Variants in RSU1 observed in about 807,000 individuals in gnomAD.
RSU1 encodes the protein Ras suppressor protein 1, also known as rsu-1.
In RSU1, 26 loss-of-function variants were observed where a neutral mutation model predicts 31.1. The observed-to-expected ratio is 0.84, with a 90% CI of 0.61 to 1.16. RSU1 has a LOEUF of 1.16. RSU1 is among the 50% of genes most tolerant of loss of function. RSU1 has a pLI of 0.00. For synonymous variants in RSU1, 164 were observed against 136.3 expected (o/e 1.20, Z -1.41); for missense variants, 320 against 339.1 (o/e 0.94, Z 0.44).
chr10:16,666,702 C>A (rs1834995277), intron 8 of RSU1, among the ~76,000 whole-genome samples: 1 of 151,912 alleles, frequency 6.6e-6, no homozygotes, highest in African/African-American at 2.4e-5. Flanking sequence ...AAAAATGAGC[C>A]ATCAGCCGGG....
chr10:16,728,758 G>C (rs1425266097), intron 7 of RSU1, among the ~76,000 whole-genome samples: 1 of 152,232 alleles, frequency 6.6e-6, no homozygotes, highest in African/African-American at 2.4e-5. Context: ...AAGAATCAGA[G>C]TGAGAGGAGA....
At chr10:16,770,163 G>A (rs1837394694) in intron 3 of RSU1, among the ~76,000 whole-genome samples, 4 of 152,054 alleles carry the variant, frequency 2.6e-5, no homozygotes, top group Middle Eastern at 3.4e-3. Flanking sequence ...GGGGCTTTTT[G>A]AGCAAAAGCA....
At chr10:16,593,644 C>T in intron 8 of RSU1, 148 bp from the exon 9 acceptor site, 1 of 652,788 alleles carries the variant, frequency 1.5e-6, no homozygotes, top group Non-Finnish European at 2.7e-6. Flanking sequence ...TCTCTGGGTG[C>T]TACGCTGTGT....
chr10:16,777,852 C>T (rs1837564918), intron 3 of RSU1, among the ~76,000 whole-genome samples: 2 of 152,062 alleles, frequency 1.3e-5, no homozygotes. Flanking sequence ...GGAAGATGAC[C>T]TTCGGCATTA....
Position 16,752,635 on chromosome 10 carries a change from C to T in RSU1, c.502G>A (p.Asp168Asn), listed in dbSNP as rs775061051. The part of the protein sequence containing the change: ...KLQILSLRDN[D>N]LISLPKEIGE... ...ATTTCCTTAGGCAGCGAGATCAGGT[C>T]GTTATCCCTAAGGCTGAGCTAAACA... The change falls in exon 7 of 9, where the codon GAC becomes AAC. Residue 168 changes from aspartate (D) to asparagine (N), a missense_variant. Asp to Asn is a conservative substitution (Grantham distance 23). Transcript: ENST00000345264. The T allele has an allele frequency of 2.5e-6, 4 of 1,613,686 alleles. No homozygotes were observed. Among genetic ancestry groups the T allele is most frequent in the Non-Finnish European group, 3.4e-6 (4 of 1,179,746 alleles).
chr10:16,726,309 C>T (rs1836393005), intron 7 of RSU1, among the ~76,000 whole-genome samples: 1 of 144,408 alleles, frequency 6.9e-6, no homozygotes, highest in South Asian at 2.1e-4. Flanking sequence ...TGCTCTGTCA[C>T]CAGGTTAGAG....
chr10:16,741,609 T>C (rs1030165216), intron 7 of RSU1, among the ~76,000 whole-genome samples: 5 of 151,608 alleles, frequency 3.3e-5, no homozygotes, highest in African/African-American at 7.3e-5. Context: ...GGCTCATGAG[T>C]GAGTGAGGGT....
chr10:16,714,408 C>T (rs1274027044), intron 7 of RSU1, among the ~76,000 whole-genome samples: 1 of 152,182 alleles, frequency 6.6e-6, no homozygotes. Context: ...TCAGGCTAGA[C>T]ATAGAATAGC....
Position 16,678,914 on chromosome 10 carries a change from C to T in RSU1, c.731+16109G>A, listed in dbSNP as rs554831187. Among the ~76,000 whole-genome samples the T allele has an allele frequency of 1.1e-3, 164 of 150,840 alleles. No individual in the cohort carries two copies. The South Asian group carries it at 0.029, about 27-fold the overall frequency. ...CCATCATGGAAAAAGAGAAGGCAGA[C>T]AAGTGAATCACAGATCCCTCAGATT... On this transcript the variant is annotated intron_variant, in intron 8 of 8. Transcript: ENST00000345264.
chr10:16,722,808 A>G (rs1487991590), intron 7 of RSU1, among the ~76,000 whole-genome samples: 1 of 151,208 alleles, frequency 6.6e-6, no homozygotes, highest in Non-Finnish European at 1.5e-5. Flanking sequence ...ATACATATAT[A>G]CACATATATA....
chr10:16,622,652 A>AT (rs1834089852), intron 8 of RSU1, among the ~76,000 whole-genome samples: 1 of 152,230 alleles, frequency 6.6e-6, no homozygotes, highest in Non-Finnish European at 1.5e-5. Context: ...AGAGAAAAGC[A>AT]TATCAAACTG....
rs563070922 is a variant in RSU1, at chr10:16,591,928, G to A, written c.*1466C>T. 6.6e-6 allele frequency: 1 copy of A among 152,116 alleles called. No individual in the cohort carries two copies. The highest frequency in any genetic ancestry group is 1.5e-5 in the Non-Finnish European group (1 of 68,026). The allele number at this position is 152,116 out of a possible 1,614,324, so 9.4% of individuals were successfully genotyped here. On this transcript the variant is annotated 3_prime_UTR_variant, in exon 9 of 9. Transcript: ENST00000345264. ...ATCCCTAAACAGGGGATGGGACCTG[G>A]GGAAGCCACTTCCCACATTTAAATG...
intron 7 of RSU1, among the ~76,000 whole-genome samples, chr10:16,741,435 TC>T (rs1236103124): frequency 6.6e-6 from 1 of 152,168 alleles, no homozygotes; most frequent in African/African-American, 2.4e-5. Context: ...CAAACGATGT[TC>T]TAAAGTTGTG....
chr10:16,762,390 T>C (rs960364579), intron 4 of RSU1, among the ~76,000 whole-genome samples: 4 of 151,836 alleles, frequency 2.6e-5, no homozygotes, highest in African/African-American at 9.7e-5. Flanking sequence ...TATGTAGTTT[T>C]AGCTTCTTTC....
chr10:16,664,736 C>T (rs527561727), intron 8 of RSU1, among the ~76,000 whole-genome samples: 1 of 152,252 alleles, frequency 6.6e-6, no homozygotes, highest in South Asian at 2.1e-4. Context: ...AAGAGTTGTA[C>T]AACTTTTCTT....
intron 8 of RSU1, among the ~76,000 whole-genome samples, chr10:16,680,390 A>G (rs1383777816): frequency 6.6e-6 from 1 of 152,130 alleles, no homozygotes; most frequent in African/African-American, 2.4e-5. Flanking sequence ...AAGAAAAATA[A>G]AAAACAAGGA....
At chr10:16,808,501 AAAAAAC>A (rs1256073950) in intron 2 of RSU1, among the ~76,000 whole-genome samples, 4 of 150,844 alleles carry the variant, frequency 2.7e-5, no homozygotes, top group African/African-American at 9.8e-5. Context: ...AAAAAAAAAA[AAAAAAC>A]AAAGTGAACT....
intron 8 of RSU1, among the ~76,000 whole-genome samples, chr10:16,632,655 C>T (rs1386542342): frequency 1.3e-5 from 2 of 152,120 alleles, no homozygotes; most frequent in Admixed American, 6.5e-5. Context: ...ACCCTAAAGA[C>T]AGGCCGAGTG....
chr10:16,815,694 C>T (rs1249394585), intron 2 of RSU1, among the ~76,000 whole-genome samples: 1 of 152,172 alleles, frequency 6.6e-6, no homozygotes, highest in African/African-American at 2.4e-5. Flanking sequence ...AGAAAAAAAT[C>T]AGTACAATCC....
Sources: allele counts gnomAD v4.1 joint callset (sites outside exome capture counted in the v4.1 genomes callset), GRCh38; gene constraint gnomAD v4.1.1; transcripts MANE v1.5; gene names NCBI Gene and HGNC (gene_info 2026-07-23, HGNC 2026-07-21).